NSD3: variants seen among roughly 807,000 people sequenced by gnomAD.
NSD3 encodes histone-lysine N-methyltransferase NSD3.
A neutral mutation model predicts 160.8 loss-of-function variants in NSD3; 24 were observed. The observed-to-expected ratio is 0.15, with a 90% CI of 0.11 to 0.21. NSD3 has a LOEUF of 0.21. Ranked by LOEUF, NSD3 falls within the 10% of genes least tolerant of loss-of-function variation. The pLI is 1.00. For synonymous variants in NSD3, 520 were observed against 600.0 expected, an observed-to-expected ratio of 0.87 and a Z score of 1.95; for missense variants, 1,157 against 1,735.9, an observed-to-expected ratio of 0.67 and a Z score of 5.93.
Position 38,318,917 on chromosome 8 carries a change from T to A in NSD3, c.1833A>T (p.Thr611=), listed in dbSNP as rs2234558. 6 of 1,611,208 alleles carry A rather than the reference T, an allele frequency of 3.7e-6. No homozygotes were observed. The highest frequency in any genetic ancestry group is 5.1e-6 in the Non-Finnish European group (6 of 1,179,170). The part of the protein sequence containing the change: ...KEQVETVPQA[T]VKTGLQKGAS... Reference sequence around the variant, plus strand: ...CACCTTTCTGTAATCCAGTCTTCACTGTAGCCTGAGGAACTGTTTCAACCT... The same window carrying A: ...CACCTTTCTGTAATCCAGTCTTCACAGTAGCCTGAGGAACTGTTTCAACCT... The change falls in exon 9 of 24, where the codon ACA becomes ACT. Residue 611 remains threonine (T), a synonymous_variant. Coordinates refer to ENST00000317025, the MANE Select transcript of NSD3 (RefSeq NM_023034.2). The surrounding 1 kb of genome is among the most constrained non-coding windows in gnomAD (Gnocchi z 5.3).
chr8:38,346,442 A>G (rs1034694062), intron 2 of NSD3, among the ~76,000 whole-genome samples: 4 of 149,298 alleles, frequency 2.7e-5, no homozygotes, highest in Admixed American at 6.7e-5. Context: ...ATGTGTGTGT[A>G]TTTTCTGGCT....
chr8:38,307,051 C>T (rs964058778), intron 12 of NSD3, among the ~76,000 whole-genome samples: 1 of 150,254 alleles, frequency 6.7e-6, no homozygotes, highest in South Asian at 2.1e-4. Context: ...GGAGGTGGAA[C>T]CTGCAGTGAG....
At chr8:38,378,624 A>G (rs1811460602) in intron 1 of NSD3, among the ~76,000 whole-genome samples, 1 of 152,196 alleles carries the variant, frequency 6.6e-6, no homozygotes, top group South Asian at 2.1e-4. Context: ...CCTGGGTGAC[A>G]GAGCGAGACT....
At position 38,333,853 on chromosome 8, in the gene NSD3, G is replaced by A. The variant is rs1353613303; in HGVS notation, c.911-2268C>T. On this transcript the variant is annotated intron_variant, in intron 4 of 23. Transcript: ENST00000317025. ...CTGCAGTCCGCAGTCCGGCCTGGGC[G>A]ACAGAGCGAGACTCCGTCTCAAAAA... Among the ~76,000 whole-genome samples the A allele has an allele frequency of 3.3e-5, 5 of 151,952 alleles. 1 individual carries two copies. The Middle Eastern group carries it at 0.01, about 310-fold the overall frequency.
intron 6 of NSD3, among the ~76,000 whole-genome samples, chr8:38,328,697 G>A (rs975663739): frequency 2.0e-5 from 3 of 152,220 alleles, no homozygotes; most frequent in Non-Finnish European, 4.4e-5. Context: ...GGATGGGATG[G>A]TAGTGAAGAG....
chr8:38,290,425 C>T, intron 17 of NSD3, 50 bp downstream of exon 17: 1 of 1,589,508 alleles, frequency 6.3e-7, no homozygotes, highest in Non-Finnish European at 8.6e-7. Flanking sequence ...TGTTGAGAAA[C>T]TGACACCGGA....
At chr8:38,279,726 T>A (rs1292847331) in intron 20 of NSD3, 45 bp from the exon 21 acceptor site, 2 of 1,580,084 alleles carry the variant, frequency 1.3e-6, no homozygotes, top group Non-Finnish European at 1.7e-6. Context: ...ATTAAGTCTC[T>A]CCCAGAAACA....
intron 12 of NSD3, among the ~76,000 whole-genome samples, chr8:38,312,123 G>T (rs1809548931): frequency 6.6e-6 from 1 of 152,060 alleles, no homozygotes; most frequent in African/African-American, 2.4e-5. Context: ...TTACTCCTGG[G>T]CTTTCTATGC....
chr8:38,330,318 G>C (rs2150375686), intron 5 of NSD3, among the ~76,000 whole-genome samples: 1 of 152,224 alleles, frequency 6.6e-6, no homozygotes, highest in East Asian at 1.9e-4. Flanking sequence ...GTGCTACAGA[G>C]ATCACAACAA....
At chr8:38,322,654 A>G (rs1445074077) in intron 7 of NSD3, among the ~76,000 whole-genome samples, 1 of 152,250 alleles carries the variant, frequency 6.6e-6, no homozygotes, top group Non-Finnish European at 1.5e-5. Context: ...AAGAACATAT[A>G]CATTTAAAAC....
At chr8:38,289,548 A>C in intron 17 of NSD3, 43 bp from the exon 18 acceptor site, 2 of 1,568,200 alleles carry the variant, frequency 1.3e-6, no homozygotes, top group Middle Eastern at 3.4e-4. Context: ...CCAAAAACCA[A>C]AGGAAAATTG....
intron 13 of NSD3, 106 bp downstream of exon 13, chr8:38,305,142 T>A: frequency 8.9e-7 from 1 of 1,125,936 alleles, no homozygotes; most frequent in Non-Finnish European, 1.3e-6. Context: ...AAGCTAGAGA[T>A]ACACAGAAGA....
intron 19 of NSD3, among the ~76,000 whole-genome samples, chr8:38,287,369 C>A (rs1170410132): frequency 1.3e-5 from 2 of 152,110 alleles, no homozygotes; most frequent in Non-Finnish European, 2.9e-5. Flanking sequence ...TGTACTGCCA[C>A]AAATGTATTT....
intron 1 of NSD3, 49 bp downstream of exon 1, chr8:38,381,750 A>G (rs2932006): frequency 2.9e-3 from 216 of 75,006 alleles, no homozygotes; most frequent in South Asian, 3.1e-3. Flanking sequence ...GCGCGCGCAC[A>G]CACACACACA....
intron 19 of NSD3, among the ~76,000 whole-genome samples, chr8:38,282,581 G>C (rs1254972937): frequency 2.0e-5 from 3 of 152,210 alleles, no homozygotes; most frequent in Non-Finnish European, 4.4e-5. Flanking sequence ...TGAGGCTGGA[G>C]AATCGCCGAA....
At chr8:38,285,896 T>G (rs1808844191) in intron 19 of NSD3, among the ~76,000 whole-genome samples, 1 of 152,136 alleles carries the variant, frequency 6.6e-6, no homozygotes, top group South Asian at 2.1e-4. Context: ...ACCATTGTCT[T>G]TCTCCTGGGC....
chr8:38,351,328 T>C (rs1356761523), intron 1 of NSD3, among the ~76,000 whole-genome samples: 1 of 151,284 alleles, frequency 6.6e-6, no homozygotes. Flanking sequence ...CACAGCTATA[T>C]CAACTCTGAT....
At chr8:38,276,614 T>C in intron 22 of NSD3, 114 bp from the exon 23 acceptor site, 1 of 1,127,096 alleles carries the variant, frequency 8.9e-7, no homozygotes, top group Non-Finnish European at 1.3e-6. Context: ...TACAATTACC[T>C]AAAAACATCA....
chr8:38,373,961 C>T (rs1344554906), intron 1 of NSD3, among the ~76,000 whole-genome samples: 2 of 122,226 alleles, frequency 1.6e-5, no homozygotes, highest in African/African-American at 6.3e-5. Context: ...AAAAAAAAAG[C>T]AAAACTAGCT....
Sources: gnomAD v4.1 joint callset for allele counts (sites outside exome capture counted in the v4.1 genomes callset) on GRCh38, gnomAD v4.1.1 for gene constraint, Gnocchi (gnomAD v3.1) non-coding constraint, MANE v1.5 for transcripts, NCBI Gene and HGNC (gene_info 2026-07-23, HGNC 2026-07-21) for gene names.